SLC4A4: variants seen among roughly 807,000 people sequenced by gnomAD.
SLC4A4 encodes solute carrier family 4 member 4.
A neutral mutation model predicts 111.5 loss-of-function variants in SLC4A4; 27 were observed. The observed-to-expected ratio is 0.24, with a 90% CI of 0.18 to 0.33. SLC4A4 has a LOEUF of 0.33. Among genes scored for constraint, SLC4A4 ranks in the 10% least tolerant of loss-of-function variants. SLC4A4 has a pLI of 1.00. For missense variants in SLC4A4, 909 were observed against 1,315.5 expected (o/e 0.69, Z 4.78); for synonymous variants, 443 against 463.4 (o/e 0.96, Z 0.57).
At chr4:71,303,468 G>A (rs1038907537) in intron 3 of SLC4A4, among the ~76,000 whole-genome samples, 9 of 152,132 alleles carry the variant, frequency 5.9e-5, no homozygotes, top group Non-Finnish European at 1.2e-4. Context: ...TCTTGCTAAT[G>A]GACCTCCTCT....
intron 2 of SLC4A4, among the ~76,000 whole-genome samples, chr4:71,180,276 A>G (rs1316335362): frequency 1.3e-5 from 2 of 152,246 alleles, no homozygotes; most frequent in Non-Finnish European, 1.5e-5. Flanking sequence ...AATACCATTC[A>G]GGACATAGGC....
At chr4:71,091,617 A>T (rs901005944) in intron 1 of SLC4A4, among the ~76,000 whole-genome samples, 3 of 152,126 alleles carry the variant, frequency 2.0e-5, no homozygotes, top group Admixed American at 6.5e-5. Flanking sequence ...GGTTAAGTCC[A>T]AAATTCTCGG....
intron 7 of SLC4A4, among the ~76,000 whole-genome samples, chr4:71,406,645 C>CTT (rs58765854): frequency 0.019 from 2,662 of 140,224 alleles, 63 homozygotes; most frequent in African/African-American, 0.05. Flanking sequence ...AACAATGATT[C>CTT]TTTTTTTTTT....
At chr4:71,356,074 C>A (rs1476605099) in intron 5 of SLC4A4, among the ~76,000 whole-genome samples, 2 of 152,118 alleles carry the variant, frequency 1.3e-5, no homozygotes, top group African/African-American at 4.8e-5. Context: ...GTCCTCAGCC[C>A]CATTCTGGAT....
intron 2 of SLC4A4, among the ~76,000 whole-genome samples, chr4:71,161,477 A>T (rs1003393203): frequency 1.3e-5 from 2 of 152,194 alleles, no homozygotes; most frequent in Non-Finnish European, 2.9e-5. Context: ...TCCATAGGGC[A>T]GGTCTCCAGC....
Position 71,144,427 on chromosome 4 carries a change from C to A in SLC4A4, c.-2+51635C>A, listed in dbSNP as rs564901310. Reference sequence around the variant, plus strand: ...TTGGCTTAGGATTTACCTGGCAATGCGGGCTCTTTTTTGGTTCCTTATGAA... The same window carrying A: ...TTGGCTTAGGATTTACCTGGCAATGAGGGCTCTTTTTTGGTTCCTTATGAA... On this transcript the variant is annotated intron_variant, in intron 2 of 26. Transcript: ENST00000649996. Among the ~76,000 whole-genome samples, 6 of 152,242 alleles carry A rather than the reference C, an allele frequency of 3.9e-5. No individual in the cohort carries two copies. In the East Asian group the frequency reaches 1.2e-3, roughly 29 times the overall value.
At chr4:71,398,523 A>T (rs1310664433) in intron 7 of SLC4A4, among the ~76,000 whole-genome samples, 1 of 152,196 alleles carries the variant, frequency 6.6e-6, no homozygotes, top group African/African-American at 2.4e-5. Context: ...CTCTGCAAGA[A>T]AATTATATTT....
chr4:71,173,256 A>C (rs1239854124), intron 2 of SLC4A4, among the ~76,000 whole-genome samples: 1 of 152,230 alleles, frequency 6.6e-6, no homozygotes, highest in Non-Finnish European at 1.5e-5. Context: ...ATATCTCAGA[A>C]GTATATGTAG....
At chr4:71,153,023 A>ATG (rs1744353630) in intron 2 of SLC4A4, among the ~76,000 whole-genome samples, 1 of 133,422 alleles carries the variant, frequency 7.5e-6, no homozygotes, top group Admixed American at 7.8e-5. Context: ...ATATATAAAT[A>ATG]TATGTGTGTG....
intron 19 of SLC4A4, 68 bp from the exon 20 acceptor site, chr4:71,547,580 A>G (rs890872582): frequency 7.8e-7 from 1 of 1,277,296 alleles, no homozygotes; most frequent in Non-Finnish European, 1.1e-6. Flanking sequence ...GTTTTTTTGA[A>G]GGTGAAAAGA....
At position 71,236,566 on chromosome 4, in the gene SLC4A4, A is replaced by G. The variant is rs202054764; in HGVS notation, c.-1-10A>G. The G allele has an allele frequency of 1.2e-4, 194 of 1,611,320 alleles. No individual in the cohort carries two copies. Among genetic ancestry groups the G allele is most frequent in the Non-Finnish European group, 1.5e-4 (173 of 1,178,054 alleles). ...TCTGAGCATTCTTTTTTTCTTTTTT[A>G]TTACTATAGGATGGAGGATGAAGCT... On this transcript the variant is annotated splice_polypyrimidine_tract_variant and intron_variant, in intron 1 of 25. Coordinates refer to ENST00000264485, the MANE Select transcript of SLC4A4 (RefSeq NM_001098484.3).
intron 2 of SLC4A4, among the ~76,000 whole-genome samples, chr4:71,139,608 C>T (rs777804185): frequency 1.3e-5 from 2 of 152,206 alleles, no homozygotes; most frequent in African/African-American, 2.4e-5. Context: ...CGAATGTCTC[C>T]ATCTCTGTAC....
intron 4 of SLC4A4, among the ~76,000 whole-genome samples, chr4:71,346,293 G>A (rs1169985284): frequency 4.0e-5 from 6 of 151,816 alleles, no homozygotes; most frequent in Non-Finnish European, 5.9e-5. Context: ...AGGTTAAAAC[G>A]GTTTTGTAAT....
intron 16 of SLC4A4, among the ~76,000 whole-genome samples, chr4:71,527,779 T>C (rs1262378753): frequency 6.6e-6 from 1 of 151,654 alleles, no homozygotes; most frequent in Non-Finnish European, 1.5e-5. Flanking sequence ...CAAGTGGAGG[T>C]GTCAGGTAGT....
At chr4:71,078,177 A>G (rs538734228) in intron 1 of SLC4A4, among the ~76,000 whole-genome samples, 2 of 152,336 alleles carry the variant, frequency 1.3e-5, no homozygotes, top group South Asian at 2.1e-4. Context: ...GTGGGCCCTC[A>G]AAATGCATCA....
At chr4:71,453,439 T>C (rs750356982) in intron 11 of SLC4A4, 56 bp from the exon 12 acceptor site, 4 of 1,521,764 alleles carry the variant, frequency 2.6e-6, no homozygotes, top group Non-Finnish European at 2.7e-6. Flanking sequence ...ACCTCTTGAT[T>C]AATTTGATGG....
chr4:71,077,374 T>C (rs1009401747), intron 1 of SLC4A4, among the ~76,000 whole-genome samples: 1 of 152,150 alleles, frequency 6.6e-6, no homozygotes, highest in Admixed American at 6.5e-5. Context: ...TTGGCCAGGC[T>C]GGTCTCGAAC....
intron 3 of SLC4A4, among the ~76,000 whole-genome samples, chr4:71,294,585 G>T (rs889142639): frequency 5.3e-5 from 8 of 152,200 alleles, no homozygotes; most frequent in African/African-American, 1.9e-4. Context: ...CCGAACTCAT[G>T]ATGAATCAAA....
chr4:71,318,719 T>C (rs762241753), intron 3 of SLC4A4, among the ~76,000 whole-genome samples: 1 of 151,968 alleles, frequency 6.6e-6, no homozygotes, highest in Non-Finnish European at 1.5e-5. Context: ...TCTTTGAGTA[T>C]ACAAGACAGA....
Sources: gnomAD v4.1 joint callset for allele counts (sites outside exome capture counted in the v4.1 genomes callset) on GRCh38, gnomAD v4.1.1 for gene constraint, MANE v1.5 for transcripts, NCBI Gene and HGNC (gene_info 2026-07-23, HGNC 2026-07-21) for gene names.